Variants in RIMS1 observed in about 807,000 individuals in gnomAD.
RIMS1 encodes regulating synaptic membrane exocytosis 1.
A neutral mutation model predicts 214.1 loss-of-function variants in RIMS1; 83 were observed. The observed-to-expected ratio is 0.39, with a 90% CI of 0.32 to 0.47. The LOEUF (loss-of-function observed/expected upper bound fraction) is 0.47, where lower values mean the gene tolerates loss of function less well. Ranked by LOEUF, RIMS1 falls within the 20% of genes least tolerant of loss-of-function variation. The probability of loss-of-function intolerance (pLI) is 0.99; values close to 1 mark genes in which losing one functional copy is unlikely to be tolerated. For missense variants in RIMS1, 2,050 were observed against 2,161.8 expected (o/e 0.95, Z 1.03); for synonymous variants, 793 against 786.8 (o/e 1.01, Z -0.13).
chr6:72,252,537 C>G (rs1457185726), intron 15 of RIMS1, among the ~76,000 whole-genome samples: 1 of 152,036 alleles, frequency 6.6e-6, no homozygotes, highest in Non-Finnish European at 1.5e-5. Context: ...GTGAAGTCCC[C>G]TTGTTTCTAT....
At chr6:72,070,314 CAT>C (rs1284987067) in intron 2 of RIMS1, among the ~76,000 whole-genome samples, 2 of 151,942 alleles carry the variant, frequency 1.3e-5, no homozygotes, top group Non-Finnish European at 2.9e-5. Flanking sequence ...TTCATATAAT[CAT>C]ATGAAATATT....
chr6:71,989,131 C>A (rs923014040), intron 2 of RIMS1, among the ~76,000 whole-genome samples: 1 of 152,146 alleles, frequency 6.6e-6, no homozygotes, highest in South Asian at 2.1e-4. Context: ...GCATTATACA[C>A]ATGGGAAGGG....
At chr6:72,133,324 G>T (rs568066624) in intron 4 of RIMS1, among the ~76,000 whole-genome samples, 1 of 147,292 alleles carries the variant, frequency 6.8e-6, no homozygotes, top group African/African-American at 2.5e-5. Context: ...TCTAGGTTTT[G>T]TTGCTAGCCT....
intron 2 of RIMS1, among the ~76,000 whole-genome samples, chr6:71,971,983 G>A (rs1031001999): frequency 1.3e-5 from 2 of 152,070 alleles, no homozygotes; most frequent in African/African-American, 4.8e-5. Context: ...TCTAACAAGA[G>A]GTTGGCTCTG....
chr6:72,322,111 CAGCTATTGAACAGAATGTGA>C (rs2096203345), intron 28 of RIMS1, among the ~76,000 whole-genome samples: 1 of 152,116 alleles, frequency 6.6e-6, no homozygotes, highest in South Asian at 2.1e-4. Flanking sequence ...CTTACTTGTT[CAGCTATTGAACAGAATGTGA>C]AGCTCTCTAA....
At chr6:72,325,717 G>A (rs1360995551) in intron 28 of RIMS1, among the ~76,000 whole-genome samples, 1 of 151,826 alleles carries the variant, frequency 6.6e-6, no homozygotes, top group Non-Finnish European at 1.5e-5. Flanking sequence ...CTCAACACAT[G>A]TATGTGTGTG....
intron 1 of RIMS1, among the ~76,000 whole-genome samples, chr6:71,946,778 A>T (rs956234179): frequency 6.6e-6 from 1 of 152,088 alleles, no homozygotes; most frequent in Non-Finnish European, 1.5e-5. Context: ...CAAAAAAAAA[A>T]TAGACAAGTG....
At chr6:72,175,866 A>G (rs1200346754) in intron 4 of RIMS1, among the ~76,000 whole-genome samples, 1 of 152,102 alleles carries the variant, frequency 6.6e-6, no homozygotes, top group African/African-American at 2.4e-5. Context: ...AATTTTCTGT[A>G]TATGTATAGT....
chr6:72,129,606 T>C (rs1587730779), intron 4 of RIMS1, among the ~76,000 whole-genome samples: 1 of 152,166 alleles, frequency 6.6e-6, no homozygotes, highest in Non-Finnish European at 1.5e-5. Context: ...TTTTCTTGCA[T>C]ATGATTTGGA....
At chr6:72,018,997 G>T (rs950168495) in intron 2 of RIMS1, among the ~76,000 whole-genome samples, 1 of 152,126 alleles carries the variant, frequency 6.6e-6, no homozygotes, top group African/African-American at 2.4e-5. Context: ...TGCTTGATTA[G>T]ATAAGAAATT....
intron 2 of RIMS1, among the ~76,000 whole-genome samples, chr6:71,970,097 G>A (rs1039058980): frequency 6.6e-6 from 1 of 152,078 alleles, no homozygotes; most frequent in African/African-American, 2.4e-5. Context: ...GGCTTAATAG[G>A]TGTTATAGGT....
At chr6:72,376,516 G>T (rs896526508) in intron 29 of RIMS1, among the ~76,000 whole-genome samples, 4 of 152,120 alleles carry the variant, frequency 2.6e-5, no homozygotes, top group African/African-American at 9.7e-5. Context: ...CACTGGGGGA[G>T]GCCGAGGCAG....
At chr6:72,062,950 T>C (rs1828289002) in intron 2 of RIMS1, among the ~76,000 whole-genome samples, 1 of 152,102 alleles carries the variant, frequency 6.6e-6, no homozygotes, top group Non-Finnish European at 1.5e-5. Flanking sequence ...AATAATCTCG[T>C]TTTAACTTAA....
intron 1 of RIMS1, among the ~76,000 whole-genome samples, chr6:71,938,962 A>G (rs1224256744): frequency 6.6e-6 from 1 of 152,168 alleles, no homozygotes; most frequent in Non-Finnish European, 1.5e-5. Flanking sequence ...TTCTGTCTTT[A>G]AGTCATTTCT....
intron 19 of RIMS1, chr6:72,262,508 T>G: frequency 1.0e-6 from 1 of 985,340 alleles, no homozygotes; most frequent in Non-Finnish European, 1.2e-6. Context: ...ATGTCACCAG[T>G]GTCTTTTCTC....
intron 1 of RIMS1, among the ~76,000 whole-genome samples, chr6:71,960,944 T>C (rs1792771422): frequency 6.6e-6 from 1 of 151,998 alleles, no homozygotes; most frequent in Non-Finnish European, 1.5e-5. Flanking sequence ...AAACTGCCAA[T>C]TTCTTCCTGC....
At chr6:71,971,720 G>A (rs1795909568) in intron 2 of RIMS1, among the ~76,000 whole-genome samples, 1 of 152,134 alleles carries the variant, frequency 6.6e-6, no homozygotes, top group Non-Finnish European at 1.5e-5. Context: ...GACAAGAGAA[G>A]AGCTTGTGCA....
intron 4 of RIMS1, chr6:72,156,058 G>A (rs2044402093): frequency 2.7e-6 from 1 of 364,922 alleles, no homozygotes; most frequent in Non-Finnish European, 5.6e-6. Flanking sequence ...AAAACAGTAT[G>A]GAGTTCCCTC....
chr6:72,261,082 C>T, intron 19 of RIMS1: 1 of 1,202,506 alleles, frequency 8.3e-7, no homozygotes, highest in Non-Finnish European at 1.0e-6. Context: ...CTGTGAGTGC[C>T]CCCAACTTTC....
Sources: allele counts gnomAD v4.1 joint callset (sites outside exome capture counted in the v4.1 genomes callset), GRCh38; gene constraint gnomAD v4.1.1; transcripts MANE v1.5; gene names NCBI Gene and HGNC (gene_info 2026-07-23, HGNC 2026-07-21).